The following ELMO1 variants were observed in gnomAD, a reference collection of about 807,000 sequenced individuals.
ELMO1 encodes engulfment and cell motility 1.
ELMO1 carries 26 observed loss-of-function variants against 98.9 expected under a neutral mutation model. The ratio of observed to expected loss-of-function variants is 0.26; its 90% CI spans 0.19 to 0.36. The LOEUF is 0.36. ELMO1 is among the 10% of genes least tolerant of loss of function. ELMO1 has a pLI of 1.00. For missense variants in ELMO1, 627 were observed against 935.2 expected (o/e 0.67, Z 4.30); for synonymous variants, 346 against 346.0 (o/e 1.00, Z 0.00).
chr7:37,128,646 A>G (rs533121088), intron 14 of ELMO1, among the ~76,000 whole-genome samples: 33 of 152,210 alleles, frequency 2.2e-4, no homozygotes, highest in African/African-American at 5.8e-4. Flanking sequence ...CAAAATTCAC[A>G]TATCAAAAAT....
At chr7:36,899,929 T>C (rs756050888) in intron 16 of ELMO1, among the ~76,000 whole-genome samples, 1 of 152,114 alleles carries the variant, frequency 6.6e-6, no homozygotes, top group Non-Finnish European at 1.5e-5. Flanking sequence ...ATAGAACATA[T>C]TAGACACTCA....
intron 16 of ELMO1, among the ~76,000 whole-genome samples, chr7:36,900,697 A>G (rs1486702408): frequency 6.6e-6 from 1 of 152,298 alleles, no homozygotes; most frequent in African/African-American, 2.4e-5. Context: ...AATACTTACA[A>G]AAAAAGTACA....
chr7:36,960,917 T>C (rs1335220025), intron 16 of ELMO1, among the ~76,000 whole-genome samples: 1 of 152,148 alleles, frequency 6.6e-6, no homozygotes, highest in Non-Finnish European at 1.5e-5. Context: ...TCTGCCGCAC[T>C]TGGGGTTTCT....
At chr7:37,203,792 G>A (rs1407847912) in intron 13 of ELMO1, among the ~76,000 whole-genome samples, 1 of 152,120 alleles carries the variant, frequency 6.6e-6, no homozygotes, top group African/African-American at 2.4e-5. Flanking sequence ...GCCTTTGAGA[G>A]TTCTGCTCAT....
At position 37,155,487 on chromosome 7, in the gene ELMO1, CA is replaced by C. The variant is rs781745325; in HGVS notation, c.1087-22254del. Among the ~76,000 whole-genome samples the C allele has an allele frequency of 8.3e-3, 411 of 49,680 alleles. 1 individual carries two copies. The highest frequency in any genetic ancestry group is 0.026 in the African/African-American group (386 of 15,050). 32.6% of individuals were successfully genotyped at this position (49,680 alleles called of 152,430 possible). A position where few individuals can be genotyped will look rare whatever the true frequency, so the allele number is the denominator to read the frequency against. On this transcript the variant is annotated intron_variant, in intron 13 of 21. Transcript: ENST00000310758. ...GATGGAGGAAGAAGCAAACGGAAAG[CA>C]AAAAAAAAAAAAAAAAAAAAGCAGG... is the stretch of plus-strand genomic sequence containing the variant.
intron 15 of ELMO1, among the ~76,000 whole-genome samples, chr7:37,072,690 T>C (rs1797343774): frequency 6.6e-6 from 1 of 152,140 alleles, no homozygotes; most frequent in Non-Finnish European, 1.5e-5. Flanking sequence ...AGTTCCTACA[T>C]CAATAACATG....
chr7:36,941,987 T>C (rs148589085), intron 16 of ELMO1, among the ~76,000 whole-genome samples: 161 of 152,342 alleles, frequency 1.1e-3, no homozygotes, highest in African/African-American at 3.8e-3. Flanking sequence ...TTTGAAATCG[T>C]GTTAGTAAGC....
intron 16 of ELMO1, among the ~76,000 whole-genome samples, chr7:36,924,703 G>T (rs1584379971): frequency 6.6e-6 from 1 of 152,146 alleles, no homozygotes; most frequent in Non-Finnish European, 1.5e-5. Context: ...GAAGAGTGTA[G>T]AATCATTTCA....
intron 20 of ELMO1, among the ~76,000 whole-genome samples, chr7:36,865,402 A>G (rs1446779279): frequency 6.6e-6 from 1 of 152,240 alleles, no homozygotes; most frequent in African/African-American, 2.4e-5. Flanking sequence ...AAAAACACTC[A>G]TTCATGTAGT....
intron 15 of ELMO1, among the ~76,000 whole-genome samples, chr7:37,095,345 G>A (rs1161223710): frequency 6.6e-6 from 1 of 152,188 alleles, no homozygotes; most frequent in Non-Finnish European, 1.5e-5. Flanking sequence ...CTTAAGCTGA[G>A]TAAACAGTAA....
intron 2 of ELMO1, among the ~76,000 whole-genome samples, chr7:37,335,754 C>G (rs1431866264): frequency 6.6e-6 from 1 of 152,144 alleles, no homozygotes; most frequent in Non-Finnish European, 1.5e-5. Context: ...TCCCATTGCC[C>G]TTTTTGGGCC....
intron 7 of ELMO1, among the ~76,000 whole-genome samples, chr7:37,233,564 T>C (rs974296959): frequency 1.3e-5 from 2 of 152,200 alleles, no homozygotes; most frequent in African/African-American, 2.4e-5. Flanking sequence ...ACTTACTTAA[T>C]AAAGTATGTA....
intron 1 of ELMO1, among the ~76,000 whole-genome samples, chr7:37,417,756 C>T (rs7808005): frequency 0.28 from 43,012 of 151,774 alleles, 6,288 homozygotes; most frequent in East Asian, 0.41. Context: ...GCAGGAGAAT[C>T]GCTTGAACCT....
intron 16 of ELMO1, among the ~76,000 whole-genome samples, chr7:36,950,983 C>A (rs1308488621): frequency 6.6e-6 from 1 of 152,162 alleles, no homozygotes; most frequent in African/African-American, 2.4e-5. Context: ...AATCATGATT[C>A]CCCCTCTCCA....
intron 16 of ELMO1, among the ~76,000 whole-genome samples, chr7:36,947,639 T>C (rs1787609462): frequency 1.3e-5 from 2 of 152,228 alleles, no homozygotes; most frequent in African/African-American, 2.4e-5. Flanking sequence ...AAAATATTTC[T>C]GTGGTCTTCA....
intron 13 of ELMO1, among the ~76,000 whole-genome samples, chr7:37,161,905 A>AATATATATAT (rs6150082): frequency 0.035 from 1,472 of 42,334 alleles, 166 homozygotes; most frequent in African/African-American, 0.059. Flanking sequence ...CAGGTAATCA[A>AATATATATAT]ATATATATAT....
At chr7:37,040,842 C>G (rs34224930) in intron 15 of ELMO1, among the ~76,000 whole-genome samples, 1 of 151,970 alleles carries the variant, frequency 6.6e-6, no homozygotes, top group South Asian at 2.1e-4. Flanking sequence ...TTTGGGAGGC[C>G]GAGGTGGGCA....
chr7:37,428,269 T>C lies in ELMO1; in HGVS notation c.-74+20406A>G, dbSNP rs1583746452. 3.3e-5 allele frequency among the ~76,000 whole-genome samples: 5 copies of C among 150,794 alleles called. 1 individual carries two copies. In the South Asian group the frequency reaches 1.0e-3, roughly 32 times the overall value. ...AGCACCTAATAAAAAAAAAACTGAG[T>C]GATCACTTTTGCAACCTAGAAAATG... On this transcript the variant is annotated intron_variant, in intron 1 of 21. Transcript: ENST00000310758.
At chr7:37,408,310 T>G (rs142989099) in intron 1 of ELMO1, among the ~76,000 whole-genome samples, 12 of 152,336 alleles carry the variant, frequency 7.9e-5, no homozygotes, top group Admixed American at 7.8e-4. Context: ...TCTGGCTACC[T>G]GATTGTGCAT....
Sources: allele counts gnomAD v4.1 joint callset (sites outside exome capture counted in the v4.1 genomes callset), GRCh38; gene constraint gnomAD v4.1.1; transcripts MANE v1.5; gene names NCBI Gene and HGNC (gene_info 2026-07-23, HGNC 2026-07-21).